SLIT3: variants seen among roughly 807,000 people sequenced by gnomAD.
SLIT3 encodes the protein slit guidance ligand 3.
Under a neutral mutation model 184.0 loss-of-function variants are expected in SLIT3, and 68 were observed. The ratio of observed to expected loss-of-function variants is 0.37; its 90% CI spans 0.30 to 0.45. The LOEUF (loss-of-function observed/expected upper bound fraction) is 0.45. Ranked by LOEUF, SLIT3 falls within the 20% of genes least tolerant of loss-of-function variation. SLIT3 has a pLI of 1.00. For synonymous variants in SLIT3, 831 were observed against 828.6 expected (o/e 1.00, Z -0.05); for missense variants, 1,707 against 2,026.0 (o/e 0.84, Z 3.02).
chr5:169,123,563 A>T (rs1760964051), intron 4 of SLIT3, among the ~76,000 whole-genome samples: 1 of 152,208 alleles, frequency 6.6e-6, no homozygotes, highest in Non-Finnish European at 1.5e-5. Context: ...AATAAAGTTG[A>T]ACGAGGCCTT....
At chr5:169,191,376 G>A (rs1470311529) in intron 4 of SLIT3, among the ~76,000 whole-genome samples, 1 of 152,132 alleles carries the variant, frequency 6.6e-6, no homozygotes, top group Non-Finnish European at 1.5e-5. Context: ...TCTCTGACTT[G>A]AAGCAAAAGC....
chr5:168,954,271 G>A (rs1394331408), intron 4 of SLIT3, among the ~76,000 whole-genome samples: 2 of 152,112 alleles, frequency 1.3e-5, no homozygotes, highest in African/African-American at 4.8e-5. Flanking sequence ...GGGGAGCACA[G>A]ATAATGGACA....
intron 20 of SLIT3, among the ~76,000 whole-genome samples, chr5:168,745,700 C>T (rs760994197): frequency 7.2e-5 from 11 of 152,346 alleles, no homozygotes; most frequent in East Asian, 3.9e-4. Context: ...GCGTGAGCCA[C>T]GGCACCTGAC....
At chr5:168,750,965 GC>G (rs1195801177) in intron 18 of SLIT3, among the ~76,000 whole-genome samples, 2 of 151,920 alleles carry the variant, frequency 1.3e-5, no homozygotes, top group East Asian at 3.9e-4. Context: ...AAGGGGCAGG[GC>G]TAGAGGGATT....
chr5:168,718,191 G>A (rs1762810010), intron 23 of SLIT3: 1 of 151,836 alleles, frequency 6.6e-6, no homozygotes, highest in Non-Finnish European at 1.5e-5. Flanking sequence ...GCCTGGTAAG[G>A]GAGTGATCTC....
intron 4 of SLIT3, among the ~76,000 whole-genome samples, chr5:169,033,161 T>C (rs1354025473): frequency 8.1e-6 from 1 of 122,794 alleles, no homozygotes; most frequent in Non-Finnish European, 1.6e-5. Context: ...TGGGTTTTTG[T>C]TTGTTTGTTT....
At chr5:169,167,444 T>G (rs577336614) in intron 4 of SLIT3, among the ~76,000 whole-genome samples, 25 of 145,768 alleles carry the variant, frequency 1.7e-4, no homozygotes, top group African/African-American at 5.2e-4. Context: ...CTGGCTAACT[T>G]TTTTTTGTTT....
At chr5:169,274,188 C>G (rs1171977499) in intron 1 of SLIT3, among the ~76,000 whole-genome samples, 3 of 152,162 alleles carry the variant, frequency 2.0e-5, no homozygotes, top group Non-Finnish European at 2.9e-5. Flanking sequence ...AACAAGCCCT[C>G]CAGGTGATTC....
At chr5:169,239,829 G>A (rs1380628815) in intron 3 of SLIT3, among the ~76,000 whole-genome samples, 3 of 151,874 alleles carry the variant, frequency 2.0e-5, no homozygotes, top group Non-Finnish European at 4.4e-5. Flanking sequence ...TTGTAAGGAG[G>A]ATATTTTAAT....
chr5:168,879,789 C>G (rs1225583488), intron 5 of SLIT3, among the ~76,000 whole-genome samples: 20 of 152,194 alleles, frequency 1.3e-4, no homozygotes, highest in Admixed American at 1.3e-3. Flanking sequence ...AATGTGATTA[C>G]AACCCAACTC....
At chr5:168,882,049 A>C (rs1259620881) in intron 5 of SLIT3, among the ~76,000 whole-genome samples, 1 of 152,192 alleles carries the variant, frequency 6.6e-6, no homozygotes, top group Non-Finnish European at 1.5e-5. Flanking sequence ...TAAAACACCA[A>C]AAGCTTTCCG....
At chr5:168,826,397 C>T (rs1475019677) in intron 6 of SLIT3, among the ~76,000 whole-genome samples, 1 of 152,164 alleles carries the variant, frequency 6.6e-6, no homozygotes, top group Non-Finnish European at 1.5e-5. Context: ...ATTTGATTTC[C>T]AGTCTTGGCA....
intron 4 of SLIT3, among the ~76,000 whole-genome samples, chr5:169,072,312 G>A (rs13176617): frequency 0.033 from 5,067 of 152,270 alleles, 118 homozygotes; most frequent in Middle Eastern, 0.065. Context: ...GTACTACTTT[G>A]TGACCTTAGA....
chr5:169,083,041 G>A (rs910542852), intron 4 of SLIT3, among the ~76,000 whole-genome samples: 3 of 152,174 alleles, frequency 2.0e-5, no homozygotes, highest in Non-Finnish European at 2.9e-5. Context: ...TGTAACATAT[G>A]TTATTCAAAA....
chr5:169,183,869 A>G (rs1763247838), intron 4 of SLIT3, among the ~76,000 whole-genome samples: 2 of 152,386 alleles, frequency 1.3e-5, no homozygotes, highest in Non-Finnish European at 2.9e-5. Flanking sequence ...AAAAATTACA[A>G]GCATATTCTG....
chr5:169,265,588 C>G (rs1050064144), intron 1 of SLIT3, among the ~76,000 whole-genome samples: 15 of 152,170 alleles, frequency 9.9e-5, no homozygotes, highest in African/African-American at 3.4e-4. Context: ...ATAGCCTGGG[C>G]TCAAATCTTA....
intron 4 of SLIT3, among the ~76,000 whole-genome samples, chr5:169,187,380 G>C (rs1394331931): frequency 6.6e-6 from 1 of 151,842 alleles, no homozygotes; most frequent in Non-Finnish European, 1.5e-5. Flanking sequence ...CAAAGTGCTG[G>C]GATTACAGGT....
intron 32 of SLIT3, among the ~76,000 whole-genome samples, chr5:168,679,132 C>T (rs1761503155): frequency 6.6e-6 from 1 of 152,216 alleles, no homozygotes; most frequent in African/African-American, 2.4e-5. Flanking sequence ...AATCACAGCT[C>T]ACTGCAGCCT....
At chr5:168,954,526 G>A in intron 4 of SLIT3, among the ~76,000 whole-genome samples, 1 of 152,134 alleles carries the variant, frequency 6.6e-6, no homozygotes, top group East Asian at 1.9e-4. Flanking sequence ...CTGCAAAGCA[G>A]GATCCTGGAG....
Sources: gnomAD v4.1 joint callset for allele counts (sites outside exome capture counted in the v4.1 genomes callset) on GRCh38, gnomAD v4.1.1 for gene constraint, MANE v1.5 for transcripts, NCBI Gene and HGNC (gene_info 2026-07-23, HGNC 2026-07-21) for gene names.